OTOS: variants seen among roughly 807,000 people sequenced by gnomAD.
OTOS encodes the protein otospiralin.
Under a neutral mutation model 12.5 loss-of-function variants are expected in OTOS, and 14 were observed. That is an observed-to-expected ratio of 1.12 (90% confidence interval 0.74 to 1.76). The LOEUF (loss-of-function observed/expected upper bound fraction) is 1.76, where lower values mean the gene tolerates loss of function less well. Among genes scored for constraint, OTOS ranks in the 40% most tolerant of loss-of-function variants. The pLI is 0.00. For synonymous variants in OTOS, 49 were observed against 47.6 expected (o/e 1.03, Z -0.12); for missense variants, 141 against 112.8 (o/e 1.25, Z -1.13).
chr2:240,139,213 A>C lies in OTOS; in HGVS notation c.227T>G (p.Leu76Arg). ...AACGTGGAAGCCCAGCGTGCTCCCC[A>C]GGGGGAAGTGGGCAAAGAAGGTTCG... ...MARTFFAHFP[L>R]GSTLGFHVPY... Residue 76 changes from leucine to arginine, a missense_variant, in exon 4 of 4, where the codon CTG becomes CGG. Transcript: ENST00000319460. The C allele has an allele frequency of 6.2e-7, 1 of 1,613,946 alleles. No homozygotes were observed. The highest frequency in any genetic ancestry group is 1.7e-4 in the Middle Eastern group (1 of 6,060).
chr2:240,139,961 C>CCAG lies in OTOS; in HGVS notation c.85+100_85+101insCTG. 5 of 1,380,930 alleles carry CCAG rather than the reference C, an allele frequency of 3.6e-6. No individual in the cohort carries two copies. In the East Asian group the frequency reaches 1.2e-4, roughly 32 times the overall value. The allele number at this position is 1,380,930 out of a possible 1,614,324, so 85.5% of individuals were successfully genotyped here. A position where few individuals can be genotyped will look rare whatever the true frequency, so the allele number is the denominator to read the frequency against. On this transcript the variant is annotated intron_variant, in intron 3 of 3. Transcript: ENST00000319460. ...CTGAGCTGAGCCAGGGCCCCTGATG[C>CCAG]GTCTGCTTGGGATAAGAAGCTGCTG... is the stretch of plus-strand genomic sequence containing the variant.
intron 2 of OTOS, 49 bp from the exon 3 acceptor site, chr2:240,140,137 G>A (rs372509631): frequency 1.2e-3 from 1,994 of 1,609,390 alleles, no homozygotes; most frequent in Non-Finnish European, 1.5e-3. Flanking sequence ...CCCAGGTGCC[G>A]GTTGGGCCCA....
rs563475677 is a variant in OTOS, at chr2:240,139,927, T to C, written c.85+135A>G. 7 of 1,012,318 alleles carry C rather than the reference T, an allele frequency of 6.9e-6. No homozygotes were observed. The East Asian group carries it at 1.5e-4, about 22-fold the overall frequency. 62.7% of individuals were successfully genotyped at this position (1,012,318 alleles called of 1,614,324 possible). On this transcript the variant is annotated intron_variant, in intron 3 of 3. Transcript: ENST00000319460. ...TGGCTCTCAAGGGCCATGTTTTCCA[T>C]GCTTGGGCCTGAGCTGAGCCAGGGC...
intron 3 of OTOS, among the ~76,000 whole-genome samples, 198 bp from the exon 4 acceptor site, chr2:240,139,552 A>C (rs1439479019): frequency 1.4e-5 from 2 of 142,630 alleles, no homozygotes; most frequent in East Asian, 2.4e-4. Flanking sequence ...AAGAAGAAGA[A>C]GGGGAAGAGA....
intron 3 of OTOS, 102 bp downstream of exon 3, chr2:240,139,960 G>T: frequency 7.3e-7 from 1 of 1,372,312 alleles, no homozygotes; most frequent in East Asian, 2.3e-5. Context: ...GGCCCCTGAT[G>T]CGTCTGCTTG....
rs2072046664 is a variant in OTOS, at chr2:240,140,437, G to A, written c.-111C>T. 1.8e-6 allele frequency: 2 copies of A among 1,100,022 alleles called. No homozygotes were observed. Among genetic ancestry groups the A allele is most frequent in the South Asian group, 1.7e-5 (1 of 59,802 alleles). 68.1% of individuals were successfully genotyped at this position (1,100,022 alleles called of 1,614,324 possible). ...CGGCTTCCTCTACCAGTCCCAGTGT[G>A]GGCAGCCCTGGGGAAAATGGCATGG... On this transcript the variant is annotated 5_prime_UTR_variant, in exon 2 of 4. Coordinates refer to ENST00000319460, the MANE Select transcript of OTOS (RefSeq NM_148961.4).
At chr2:240,140,551 T>C (rs908171323) in intron 1 of OTOS, 69 bp downstream of exon 1, 4 of 560,008 alleles carry the variant, frequency 7.1e-6, no homozygotes, top group South Asian at 2.4e-5. Context: ...CCTGCCTCAA[T>C]TGGCCTTAAT....
chr2:240,140,516 C>G, intron 1 of OTOS, 72 bp from the exon 2 acceptor site: 1 of 618,954 alleles, frequency 1.6e-6, no homozygotes, highest in Non-Finnish European at 2.7e-6. Context: ...TCAGTGGTTT[C>G]AAACCACTAT....
chr2:240,140,477 T>A (rs2072047385), intron 1 of OTOS, 33 bp from the exon 2 acceptor site: 1 of 742,948 alleles, frequency 1.3e-6, no homozygotes, highest in Non-Finnish European at 2.1e-6. Flanking sequence ...AAAAAAAAAA[T>A]TCTTACTGTT....
rs1574952620 is a variant in OTOS, at chr2:240,140,487, T to G, written c.-118-43A>C. 4.3e-6 allele frequency: 3 copies of G among 701,200 alleles called. No individual in the cohort carries two copies. In the East Asian group the frequency reaches 8.7e-5, roughly 20 times the overall value. 43.4% of individuals were successfully genotyped at this position (701,200 alleles called of 1,614,324 possible). A position where few individuals can be genotyped will look rare whatever the true frequency, so the allele number is the denominator to read the frequency against. ...GATTTAAAAAAAAAATTCTTACTGTTTTCCTAGCAATTTCCATTTCAGTGG... is the reference window on the plus strand; with the variant it reads ...GATTTAAAAAAAAAATTCTTACTGTGTTCCTAGCAATTTCCATTTCAGTGG... On this transcript the variant is annotated intron_variant, in intron 1 of 3. Transcript: ENST00000319460.
chr2:240,139,906 T>C lies in OTOS; in HGVS notation c.85+156A>G, dbSNP rs1420287954. Among the ~76,000 whole-genome samples the C allele has an allele frequency of 2.0e-5, 3 of 152,246 alleles. No individual in the cohort carries two copies. The East Asian group carries it at 5.8e-4, about 29-fold the overall frequency. On this transcript the variant is annotated intron_variant, in intron 3 of 3. Coordinates refer to ENST00000319460, the MANE Select transcript of OTOS (RefSeq NM_148961.4). Reference sequence around the variant, plus strand: ...TCTGCTTGCACAGCTCCAAGCTGGCTCTCAAGGGCCATGTTTTCCATGCTT... The same window carrying C: ...TCTGCTTGCACAGCTCCAAGCTGGCCCTCAAGGGCCATGTTTTCCATGCTT...
At position 240,139,143 on chromosome 2, in the gene OTOS, G is replaced by C; in HGVS notation, c.*27C>G. ...GCCCGACCGAGTGCAGCCTGGCGGG[G>C]TGGGCGGGCACCAGGCTGGACACCA... On this transcript the variant is annotated 3_prime_UTR_variant, in exon 4 of 4. Transcript: ENST00000319460. The C allele has an allele frequency of 6.2e-7, 1 of 1,601,910 alleles. No homozygotes were observed. Among genetic ancestry groups the C allele is most frequent in the East Asian group, 2.2e-5 (1 of 44,632 alleles).
In OTOS at chr2:240,140,083, T is replaced by C. The variant is rs1180021996; in HGVS notation, c.64A>G (p.Lys22Glu). The C allele has an allele frequency of 3.1e-6, 5 of 1,613,338 alleles. No homozygotes were observed. In the Admixed American group the frequency reaches 6.7e-5, roughly 22 times the overall value. ...GTACCTCCTTCCTCCTGCACAGGCT[T>C]GGCCCCTGCAAAGGAAGAGAAGAGC... ...CLLLGPLAGA[K>E]PVQEEGDPYA... The change falls in exon 3 of 4, where the codon AAG becomes GAG. Residue 22 changes from lysine (K) to glutamate (E), a missense_variant. Physicochemically the swap from Lys to Glu is moderately conservative, Grantham distance 56. Coordinates refer to ENST00000319460, the MANE Select transcript of OTOS (RefSeq NM_148961.4).
At chr2:240,139,412 C>G in intron 3 of OTOS, 58 bp from the exon 4 acceptor site, 1 of 1,531,650 alleles carries the variant, frequency 6.5e-7, no homozygotes, top group Non-Finnish European at 8.9e-7. Flanking sequence ...CCTGGAGACA[C>G]CATCCTCAGA....
chr2:240,139,167 C>G lies in OTOS; in HGVS notation c.*3G>C, dbSNP rs754328549. The G allele has an allele frequency of 1.2e-6, 2 of 1,612,150 alleles. No individual in the cohort carries two copies. Among genetic ancestry groups the G allele is most frequent in the South Asian group, 2.2e-5 (2 of 90,914 alleles). ...GGTGGGCGGGCACCAGGCTGGACAC[C>G]ATTCAGTCCTCCTGATAGGGAACGT... On this transcript the variant is annotated 3_prime_UTR_variant, in exon 4 of 4. Transcript: ENST00000319460.
At chr2:240,139,688 G>T (rs1455047940) in intron 3 of OTOS, among the ~76,000 whole-genome samples, 6 of 152,168 alleles carry the variant, frequency 3.9e-5, no homozygotes, top group Admixed American at 1.3e-4. Context: ...CGTATAACCT[G>T]TCCTAAAGCT....
Position 240,139,566 on chromosome 2 carries a change from A to AGGGGAAGAGAGGGAGGGGAAGAGAGGGAG in OTOS, c.86-213_86-212insCTCCCTCTCTTCCCCTCCCTCTCTTCCCC, listed in dbSNP as rs55855364. 4.9e-4 allele frequency among the ~76,000 whole-genome samples: 75 copies of AGGGGAAGAGAGGGAGGGGAAGAGAGGGAG among 152,130 alleles called. 1 individual carries two copies. The highest frequency in any genetic ancestry group is 1.8e-3 in the African/African-American group (75 of 41,510). On this transcript the variant is annotated intron_variant, in intron 3 of 3. Transcript: ENST00000319460. ...GAAGAAGAAGAAGGGGAAGAGAGGG[A>AGGGGAAGAGAGGGAGGGGAAGAGAGGGAG]GGGAAGCCCTGTCCTGTTTGAGGAA...
At chr2:240,140,020 G>GTTAC (rs779666698) in intron 3 of OTOS, 42 bp downstream of exon 3, 1 of 1,606,404 alleles carries the variant, frequency 6.2e-7, no homozygotes, top group Non-Finnish European at 8.5e-7. Flanking sequence ...CTGCATACCA[G>GTTAC]TTACTTATGC....
Position 240,140,447 on chromosome 2 carries a change from G to T in OTOS, c.-118-3C>A. On this transcript the variant is annotated splice_polypyrimidine_tract_variant and splice_region_variant and intron_variant, in intron 1 of 3. Coordinates refer to ENST00000319460, the MANE Select transcript of OTOS (RefSeq NM_148961.4). ...TACCAGTCCCAGTGTGGGCAGCCCTGGGGAAAATGGCATGGATTTAAAAAA... is the reference window on the plus strand; with the variant it reads ...TACCAGTCCCAGTGTGGGCAGCCCTTGGGAAAATGGCATGGATTTAAAAAA... 1.0e-6 allele frequency: 1 copy of T among 998,058 alleles called. No individual in the cohort carries two copies. Among genetic ancestry groups the T allele is most frequent in the South Asian group, 1.8e-5 (1 of 54,102 alleles). The allele number at this position is 998,058 out of a possible 1,614,324, so 61.8% of individuals were successfully genotyped here. A position where few individuals can be genotyped will look rare whatever the true frequency, so the allele number is the denominator to read the frequency against.
Sources: gnomAD v4.1 joint callset for allele counts (sites outside exome capture counted in the v4.1 genomes callset) on GRCh38, gnomAD v4.1.1 for gene constraint, MANE v1.5 for transcripts, NCBI Gene and HGNC (gene_info 2026-07-23, HGNC 2026-07-21) for gene names.